Variants in ZNF655 observed in about 807,000 individuals in gnomAD.
The protein encoded by ZNF655 is Vav-interacting Kruppel-like protein 1.
A neutral mutation model predicts 6.6 loss-of-function variants in ZNF655; 3 were observed. The ratio of observed to expected loss-of-function variants is 0.46; its 90% CI spans 0.21 to 1.18. The LOEUF (loss-of-function observed/expected upper bound fraction) is 1.18. Ranked by LOEUF, ZNF655 falls within the 50% of genes most tolerant of loss-of-function variation. ZNF655 has a pLI of 0.24. For missense variants in ZNF655, 526 were observed against 572.3 expected, an observed-to-expected ratio of 0.92 and a Z score of 0.83; for synonymous variants, 178 against 195.0, an observed-to-expected ratio of 0.91 and a Z score of 0.73.
At chr7:99,568,408 G>A (rs886410717) in intron 2 of ZNF655, among the ~76,000 whole-genome samples, 16 of 151,340 alleles carry the variant, frequency 1.1e-4, no homozygotes, top group Non-Finnish European at 2.4e-4. Flanking sequence ...CCGCCATCAC[G>A]CCCGGCTAAT....
In ZNF655 at chr7:99,568,376, G is replaced by A. The variant is rs553549968; in HGVS notation, c.137-3869G>A. Among the ~76,000 whole-genome samples, 6 of 149,490 alleles carry A rather than the reference G, an allele frequency of 4.0e-5. No homozygotes were observed. In the East Asian group the frequency reaches 6.2e-4, roughly 15 times the overall value. ...AGCGATTCTCCTTCCTCAGTCTCTC[G>A]AGTGGCTGGGACTACAGGCACCCGC... On this transcript the variant is annotated intron_variant, in intron 2 of 2. Coordinates refer to ENST00000252713, the MANE Select transcript of ZNF655 (RefSeq NM_138494.3).
intron 2 of ZNF655, 133 bp from the exon 3 acceptor site, chr7:99,572,112 C>A: frequency 1.0e-6 from 1 of 966,488 alleles, no homozygotes; most frequent in Non-Finnish European, 1.5e-6. Context: ...AGATTTTGTG[C>A]CTGTTTTTCA....
At chr7:99,568,139 A>T (rs934360507) in intron 2 of ZNF655, among the ~76,000 whole-genome samples, 1 of 152,010 alleles carries the variant, frequency 6.6e-6, no homozygotes, top group Admixed American at 6.6e-5. Flanking sequence ...ATAGCAAGCG[A>T]TATGAGCCAT....
At position 99,572,505 on chromosome 7, in the gene ZNF655, G is replaced by T; in HGVS notation, c.397G>T (p.Glu133Ter). ...FTSEKNNECHEPEKSFSLDST... is the reference protein window; with the variant it reads ...FTSEKNNECH ...CAGTGAGAAGAACAATGAATGTCATGAACCCGAAAAAAGCTTCAGTCTGGA... is the reference window on the plus strand; with the variant it reads ...CAGTGAGAAGAACAATGAATGTCATTAACCCGAAAAAAGCTTCAGTCTGGA... Residue 133 changes from glutamate (E) to a stop codon, truncating the protein, a stop_gained, in exon 3 of 3, where the codon GAA becomes TAA. Transcript: ENST00000252713. LOFTEE classifies it low-confidence loss of function (END_TRUNC). The T allele has an allele frequency of 1.9e-6, 3 of 1,613,974 alleles. No individual in the cohort carries two copies. Among genetic ancestry groups the T allele is most frequent in the Non-Finnish European group, 2.5e-6 (3 of 1,179,930 alleles).
Position 99,575,993 on chromosome 7 carries a change from G to C in ZNF655, c.*2409G>C, listed in dbSNP as rs775629332. ...TCTTAAGCTTTATAACATTTTGTGA[G>C]TAAGACAAATGTTATTTAAAATTCT... On this transcript the variant is annotated 3_prime_UTR_variant, in exon 3 of 3. Coordinates refer to ENST00000252713, the MANE Select transcript of ZNF655 (RefSeq NM_138494.3). The C allele has an allele frequency of 2.0e-5, 3 of 152,134 alleles. No individual in the cohort carries two copies. Among genetic ancestry groups the C allele is most frequent in the Non-Finnish European group, 4.4e-5 (3 of 68,012 alleles). 9.4% of individuals were successfully genotyped at this position (152,134 alleles called of 1,614,324 possible).
Position 99,573,059 on chromosome 7 carries a change from C to T in ZNF655, c.951C>T (p.His317=). The part of the protein sequence containing the change: ...SCERVFSRSV[H]LTQHQKIHKE... ...AAAGAGTCTTCAGTCGTAGTGTCCA[C>T]CTTACTCAACATCAGAAAATTCACA... is the stretch of plus-strand genomic sequence containing the variant. Residue 317 remains histidine (H), a synonymous_variant, in exon 3 of 3, where the codon CAC becomes CAT. Coordinates refer to ENST00000252713, the MANE Select transcript of ZNF655 (RefSeq NM_138494.3). The T allele has an allele frequency of 6.2e-7, 1 of 1,614,114 alleles. No individual in the cohort carries two copies. Among genetic ancestry groups the T allele is most frequent in the Admixed American group, 1.7e-5 (1 of 60,016 alleles).
intron 2 of ZNF655, chr7:99,562,011 T>C: frequency 1.3e-6 from 2 of 1,499,022 alleles, no homozygotes; most frequent in Non-Finnish European, 1.8e-6. Flanking sequence ...TCAGGGACTA[T>C]TGCTACTGAT....
intron 2 of ZNF655, among the ~76,000 whole-genome samples, chr7:99,567,701 G>A (rs1803733517): frequency 6.6e-6 from 1 of 152,026 alleles, no homozygotes; most frequent in South Asian, 2.1e-4. Context: ...TCATTTTCTT[G>A]GTTTATAAAA....
In ZNF655 at chr7:99,572,329, G is replaced by T; in HGVS notation, c.221G>T (p.Gly74Val). Residue 74 changes from glycine to valine, a missense_variant, in exon 3 of 3, where the codon GGA (glycine) becomes GTA (valine). Transcript: ENST00000252713. ...EEVHSYKVRV[G>V]RLKHDITQVP... ...GTGCATTCATACAAAGTGAGAGTAG[G>T]AAGACTCAAACACGATATTACCCAA... 6.2e-7 allele frequency: 1 copy of T among 1,613,392 alleles called. No homozygotes were observed. The highest frequency in any genetic ancestry group is 8.5e-7 in the Non-Finnish European group (1 of 1,179,858).
chr7:99,566,056 A>T (rs1803607439), intron 2 of ZNF655, among the ~76,000 whole-genome samples: 1 of 145,848 alleles, frequency 6.9e-6, no homozygotes, highest in African/African-American at 2.6e-5. Flanking sequence ...TATATATATA[A>T]AGGATATGTG....
At chr7:99,567,786 G>A (rs950856109) in intron 2 of ZNF655, among the ~76,000 whole-genome samples, 8 of 152,016 alleles carry the variant, frequency 5.3e-5, no homozygotes, top group Non-Finnish European at 1.2e-4. Context: ...CTTGTGTCGG[G>A]TGCGGTGGCT....
At chr7:99,560,483 A>G in intron 1 of ZNF655, 50 bp from the exon 2 acceptor site, 1 of 1,538,826 alleles carries the variant, frequency 6.5e-7, no homozygotes, top group Non-Finnish European at 8.8e-7. Flanking sequence ...ATATAAAATG[A>G]TGAAATGCTT....
rs1027004460 is a variant in ZNF655, at chr7:99,575,262, G to A, written c.*1678G>A. 6.6e-6 allele frequency: 1 copy of A among 152,492 alleles called. No individual in the cohort carries two copies. The highest frequency in any genetic ancestry group is 1.5e-5 in the Non-Finnish European group (1 of 68,208). 9.4% of individuals were successfully genotyped at this position (152,492 alleles called of 1,614,324 possible). A position where few individuals can be genotyped will look rare whatever the true frequency, so the allele number is the denominator to read the frequency against. On this transcript the variant is annotated 3_prime_UTR_variant, in exon 3 of 3. Transcript: ENST00000252713. ...AAACATAAAGAAGATACACAGGCCG[G>A]GCATGGTGGCTCACACCTGTAATCC...
In ZNF655 at chr7:99,575,544, C is replaced by A. The variant is rs74589886; in HGVS notation, c.*1960C>A. 1 of 150,112 alleles carries A rather than the reference C, an allele frequency of 6.7e-6. No homozygotes were observed. The highest frequency in any genetic ancestry group is 1.5e-5 in the Non-Finnish European group (1 of 67,926). 9.3% of individuals were successfully genotyped at this position (150,112 alleles called of 1,614,324 possible). On this transcript the variant is annotated 3_prime_UTR_variant, in exon 3 of 3. Coordinates refer to ENST00000252713, the MANE Select transcript of ZNF655 (RefSeq NM_138494.3). ...AGAGCAGGACTCTCTCTCAAAAAAA[C>A]ACAAAAAAACAAAAACAAAAAACCA...
chr7:99,573,277 G>A lies in ZNF655; in HGVS notation c.1169G>A (p.Arg390Lys). 1 of 1,614,152 alleles carries A rather than the reference G, an allele frequency of 6.2e-7. No homozygotes were observed. Among genetic ancestry groups the A allele is most frequent in the Non-Finnish European group, 8.5e-7 (1 of 1,180,002 alleles). Residue 390 changes from arginine (R) to lysine (K), a missense_variant, in exon 3 of 3, where the codon AGA (arginine) becomes AAA (lysine). Physicochemically the swap from Arg to Lys is conservative, Grantham distance 26. Coordinates refer to ENST00000252713, the MANE Select transcript of ZNF655 (RefSeq NM_138494.3). The part of the protein sequence containing the change: ...YTCSECGKDF[R>K]LNSHLIQHQR... Reference sequence around the variant, plus strand: ...TGTAGTGAATGTGGAAAAGACTTCAGATTGAATTCACATCTTATTCAGCAT... The same window carrying A: ...TGTAGTGAATGTGGAAAAGACTTCAAATTGAATTCACATCTTATTCAGCAT...
chr7:99,561,296 G>A lies in ZNF655; in HGVS notation c.136+601G>A, dbSNP rs572026171. 4.6e-5 allele frequency among the ~76,000 whole-genome samples: 7 copies of A among 152,326 alleles called. No individual in the cohort carries two copies. The South Asian group carries it at 1.2e-3, about 27-fold the overall frequency. ...TCTTCCTTTGTTTTATAAGAGCTGT[G>A]TCTTAGATTGCCTGTGGTTAACTCT... On this transcript the variant is annotated intron_variant, in intron 2 of 2. Coordinates refer to ENST00000252713, the MANE Select transcript of ZNF655 (RefSeq NM_138494.3).
chr7:99,573,578 C>G lies in ZNF655; in HGVS notation c.1470C>G (p.Asn490Lys), dbSNP rs1402113097. The G allele has an allele frequency of 1.3e-6, 2 of 1,598,208 alleles. No individual in the cohort carries two copies. Among genetic ancestry groups the G allele is most frequent in the African/African-American group, 2.7e-5 (2 of 74,782 alleles). ...VQHQSIHTKE[N>K]S ...ATCAGAGCATTCATACCAAAGAGAA[C>G]TCATGAATGTAATGAAGATGGGAAG... Residue 490 changes from asparagine (N) to lysine (K), a missense_variant, in exon 3 of 3, where the codon AAC (asparagine) becomes AAG (lysine). Transcript: ENST00000252713.
At position 99,573,109 on chromosome 7, in the gene ZNF655, T is replaced by C. The variant is rs1192402785; in HGVS notation, c.1001T>C (p.Val334Ala). ...IHKEMPCKCT[V>A]CGSDFCHTSY... is the part of the protein sequence containing the mutation. The stretch of plus-strand genomic sequence containing the variant: ...AAAGAGATGCCCTGTAAGTGTACTG[T>C]ATGTGGCAGTGACTTCTGCCATACT... Residue 334 changes from valine to alanine, a missense_variant, in exon 3 of 3, where the codon GTA becomes GCA. By Grantham distance (64) the Val-to-Ala change is moderately conservative. Transcript: ENST00000252713. The C allele has an allele frequency of 1.2e-6, 2 of 1,614,040 alleles. No individual in the cohort carries two copies. The highest frequency in any genetic ancestry group is 2.2e-5 in the East Asian group (1 of 44,880).
chr7:99,572,020 T>G (rs574020479), intron 2 of ZNF655, among the ~76,000 whole-genome samples: 10 of 152,272 alleles, frequency 6.6e-5, no homozygotes, highest in Admixed American at 6.5e-4. Context: ...TTCAGCTGTT[T>G]CCCTATTATT....
Sources: allele counts gnomAD v4.1 joint callset (sites outside exome capture counted in the v4.1 genomes callset), GRCh38; gene constraint gnomAD v4.1.1; transcripts MANE v1.5; gene names NCBI Gene and HGNC (gene_info 2026-07-23, HGNC 2026-07-21).